ASXL2: variants seen among roughly 807,000 people sequenced by gnomAD.
ASXL2 encodes the protein putative Polycomb group protein ASXL2.
A neutral mutation model predicts 122.0 loss-of-function variants in ASXL2; 23 were observed. That is an observed-to-expected ratio of 0.19 (90% CI 0.14 to 0.27). ASXL2 has a LOEUF of 0.27. ASXL2 is among the 10% of genes least tolerant of loss of function. The pLI is 1.00. For synonymous variants in ASXL2, 650 were observed against 637.0 expected (o/e 1.02, Z -0.31); for missense variants, 1,518 against 1,713.8 (o/e 0.89, Z 2.02).
At chr2:25,777,856 A>G (rs2088573660) in intron 5 of ASXL2, among the ~76,000 whole-genome samples, 1 of 152,304 alleles carries the variant, frequency 6.6e-6, no homozygotes, top group South Asian at 2.1e-4. Flanking sequence ...ATAACTAAAT[A>G]AGACAGTTTG....
intron 3 of ASXL2, among the ~76,000 whole-genome samples, chr2:25,823,405 T>C (rs547192567): frequency 1.3e-5 from 2 of 152,358 alleles, no homozygotes. Flanking sequence ...TAACCTGCTA[T>C]TCCTCTGGTG....
At chr2:25,831,623 C>A (rs1187894967) in intron 3 of ASXL2, among the ~76,000 whole-genome samples, 2 of 152,078 alleles carry the variant, frequency 1.3e-5, no homozygotes, top group Non-Finnish European at 2.9e-5. Context: ...CACTGCACTC[C>A]AGCCTGGGCA....
At chr2:25,820,241 G>C (rs1237919212) in intron 3 of ASXL2, among the ~76,000 whole-genome samples, 4 of 152,042 alleles carry the variant, frequency 2.6e-5, no homozygotes, top group African/African-American at 9.7e-5. Context: ...AAAGTGAATG[G>C]GGCATTATGT....
intron 5 of ASXL2, among the ~76,000 whole-genome samples, chr2:25,776,819 G>A (rs1351640927): frequency 6.6e-6 from 1 of 152,054 alleles, no homozygotes; most frequent in Non-Finnish European, 1.5e-5. Flanking sequence ...AAAACAAAAA[G>A]CCAGAATAAC....
intron 1 of ASXL2, among the ~76,000 whole-genome samples, chr2:25,846,529 TCC>T (rs954912915): frequency 5.9e-5 from 9 of 152,026 alleles, no homozygotes; most frequent in Non-Finnish European, 2.9e-5. Context: ...GTGCCTGTAA[TCC>T]CAGCTACTCA....
intron 1 of ASXL2, among the ~76,000 whole-genome samples, chr2:25,847,353 C>T (rs1238638568): frequency 6.6e-6 from 1 of 152,130 alleles, no homozygotes; most frequent in African/African-American, 2.4e-5. Context: ...TCTCAGTTTT[C>T]TTTGTAGATG....
At position 25,743,117 on chromosome 2, in the gene ASXL2, C is replaced by A; in HGVS notation, c.3220G>T (p.Val1074Phe). Residue 1074 changes from valine (V) to phenylalanine (F), a missense_variant, in exon 13 of 13, where the codon GTT (valine) becomes TTT (phenylalanine). By Grantham distance (50) the Val-to-Phe change is conservative. This residue lies in a region of ASXL2 where 831 missense variants were observed against 833.1 expected (regional missense o/e 1.00). Transcript: ENST00000435504. The stretch of plus-strand genomic sequence containing the variant: ...ACTGAGAGAAGATTCTGCCTCCGAA[C>A]CCTCTGAATGAGAGTCTGAAGGATC... ...DQILQTLIQRVRRQNLLSVVP... is the reference protein window; with the variant it reads ...DQILQTLIQRFRRQNLLSVVP... 6.2e-7 allele frequency: 1 copy of A among 1,613,986 alleles called. No individual in the cohort carries two copies. The highest frequency in any genetic ancestry group is 8.5e-7 in the Non-Finnish European group (1 of 1,179,898).
chr2:25,811,255 AAAAT>A (rs556216686), intron 3 of ASXL2, among the ~76,000 whole-genome samples: 16 of 152,034 alleles, frequency 1.1e-4, no homozygotes, highest in African/African-American at 3.4e-4. Context: ...CATGGCTTAA[AAAAT>A]AAATAAATAA....
chr2:25,771,587 C>T, intron 5 of ASXL2, 47 bp from the exon 6 acceptor site: 1 of 1,460,380 alleles, frequency 6.8e-7, no homozygotes, highest in Non-Finnish European at 9.5e-7. Flanking sequence ...AACAGAGATA[C>T]CAAGCACCAT....
chr2:25,874,267 T>C (rs1462483680), intron 1 of ASXL2, among the ~76,000 whole-genome samples: 2 of 152,100 alleles, frequency 1.3e-5, no homozygotes. Flanking sequence ...GGTGGGCAGA[T>C]CGCTTGAGTC....
At chr2:25,779,496 A>G (rs1417418600) in intron 5 of ASXL2, among the ~76,000 whole-genome samples, 2 of 152,202 alleles carry the variant, frequency 1.3e-5, no homozygotes, top group African/African-American at 4.8e-5. Context: ...ATAGTTTCAA[A>G]GAAACCATAC....
chr2:25,852,096 C>T (rs915117444), intron 1 of ASXL2, among the ~76,000 whole-genome samples: 1 of 152,138 alleles, frequency 6.6e-6, no homozygotes, highest in African/African-American at 2.4e-5. Flanking sequence ...TGTTAGCTTA[C>T]GTTAACCACA....
At chr2:25,770,691 G>T (rs2088433426) in intron 6 of ASXL2, among the ~76,000 whole-genome samples, 1 of 151,902 alleles carries the variant, frequency 6.6e-6, no homozygotes, top group Non-Finnish European at 1.5e-5. Context: ...GGAGGCGGAG[G>T]TTGCACTAGG....
rs546410236 is a variant in ASXL2 at position 25,804,035 on chromosome 2, T to C, written c.252+2194A>G. Among the ~76,000 whole-genome samples the C allele has an allele frequency of 3.9e-5, 6 of 152,286 alleles. No homozygotes were observed. In the East Asian group the frequency reaches 1.2e-3, roughly 29 times the overall value. On this transcript the variant is annotated intron_variant, in intron 4 of 12. Transcript: ENST00000435504. Reference sequence around the variant, plus strand: ...ATAGAATAGGCATTTAATAAATTTTTTAAACAGTATGGAAGGTCTAGAACA... The same window carrying C: ...ATAGAATAGGCATTTAATAAATTTTCTAAACAGTATGGAAGGTCTAGAACA...
Position 25,842,759 on chromosome 2 carries a change from C to T in ASXL2, c.140+2722G>A, listed in dbSNP as rs949875097. The stretch of plus-strand genomic sequence containing the variant: ...CTATATATATGTATGTATGTGTGTG[C>T]GTGTGTGCACGTGTGTGTGTGTGTG... On this transcript the variant is annotated intron_variant, in intron 2 of 12. Transcript: ENST00000435504. Among the ~76,000 whole-genome samples, 11 of 137,068 alleles carry T rather than the reference C, an allele frequency of 8.0e-5. No homozygotes were observed. The South Asian group carries it at 1.7e-3, about 21-fold the overall frequency. 89.9% of individuals were successfully genotyped at this position (137,068 alleles called of 152,430 possible). A position where few individuals can be genotyped will look rare whatever the true frequency, so the allele number is the denominator to read the frequency against.
At chr2:25,802,048 C>T (rs1042480480) in intron 4 of ASXL2, among the ~76,000 whole-genome samples, 3 of 152,192 alleles carry the variant, frequency 2.0e-5, no homozygotes, top group African/African-American at 7.2e-5. Context: ...ATGGTCTAAT[C>T]ACTCCAATTT....
chr2:25,858,812 ATTTT>A (rs765331691), intron 1 of ASXL2, among the ~76,000 whole-genome samples: 2 of 139,202 alleles, frequency 1.4e-5, no homozygotes, highest in Admixed American at 7.3e-5. Flanking sequence ...TAGAAATCTA[ATTTT>A]TTTTTTTTTT....
rs1484378607 is a variant in ASXL2 at position 25,735,688 on chromosome 2, T to A, written c.*6341A>T. On this transcript the variant is annotated 3_prime_UTR_variant, in exon 13 of 13. Transcript: ENST00000435504. Reference sequence around the variant, plus strand: ...CACTAACTTACTGACCTAAATTAACTACTGACAGAGATTGCTGTTGGCCTG... The same window carrying A: ...CACTAACTTACTGACCTAAATTAACAACTGACAGAGATTGCTGTTGGCCTG... 6.6e-6 allele frequency: 1 copy of A among 152,226 alleles called. No individual in the cohort carries two copies. Among genetic ancestry groups the A allele is most frequent in the Non-Finnish European group, 1.5e-5 (1 of 68,034 alleles). 9.4% of individuals were successfully genotyped at this position (152,226 alleles called of 1,614,324 possible). A position where few individuals can be genotyped will look rare whatever the true frequency, so the allele number is the denominator to read the frequency against.
chr2:25,832,167 G>T (rs894694758), intron 3 of ASXL2, among the ~76,000 whole-genome samples: 1 of 152,190 alleles, frequency 6.6e-6, no homozygotes, highest in Non-Finnish European at 1.5e-5. Flanking sequence ...CACAGACTAT[G>T]CTTCTCATAA....
Sources: allele counts gnomAD v4.1 joint callset (sites outside exome capture counted in the v4.1 genomes callset), GRCh38; gene constraint gnomAD v4.1.1; regional missense constraint gnomAD v4.1.1; transcripts MANE v1.5; gene names NCBI Gene and HGNC (gene_info 2026-07-23, HGNC 2026-07-21).